The following PTPRD variants were observed in gnomAD, a reference collection of about 807,000 sequenced individuals.
PTPRD encodes the protein protein tyrosine phosphatase receptor type D, also known as receptor-type tyrosine-protein phosphatase delta.
A neutral mutation model predicts 214.5 loss-of-function variants in PTPRD; 34 were observed. That is an observed-to-expected ratio of 0.16 (90% confidence interval 0.12 to 0.21). PTPRD has a LOEUF of 0.21. Among genes scored for constraint, PTPRD ranks in the 10% least tolerant of loss-of-function variants. The pLI is 1.00. For synonymous variants in PTPRD, 1,128 were observed against 845.7 expected (o/e 1.33, Z -5.79); for missense variants, 2,545 against 2,398.7 (o/e 1.06, Z -1.27).
chr9:8,931,447 TC>T (rs1289713086), intron 11 of PTPRD, among the ~76,000 whole-genome samples: 14 of 152,182 alleles, frequency 9.2e-5, no homozygotes, highest in African/African-American at 3.1e-4. Flanking sequence ...TAATGCGGGC[TC>T]TTTTTTGGTT....
chr9:9,488,754 T>C (rs2095770441), intron 8 of PTPRD, among the ~76,000 whole-genome samples: 1 of 152,132 alleles, frequency 6.6e-6, no homozygotes. Flanking sequence ...AGACTGGGAA[T>C]TGCAGTTAAT....
At chr9:8,565,910 T>C (rs2088851692) in intron 14 of PTPRD, among the ~76,000 whole-genome samples, 1 of 152,146 alleles carries the variant, frequency 6.6e-6, no homozygotes, top group African/African-American at 2.4e-5. Context: ...GCTGTTTGTA[T>C]ATAGAGAGAA....
At chr9:10,205,527 T>G (rs2099468336) in intron 3 of PTPRD, among the ~76,000 whole-genome samples, 1 of 152,058 alleles carries the variant, frequency 6.6e-6, no homozygotes, top group African/African-American at 2.4e-5. Context: ...TGCCACAGCC[T>G]CTGAAGTAGC....
intron 3 of PTPRD, among the ~76,000 whole-genome samples, chr9:10,148,021 C>G (rs1021612273): frequency 7.2e-5 from 11 of 152,102 alleles, no homozygotes; most frequent in African/African-American, 2.7e-4. Flanking sequence ...TTGGAGATAT[C>G]CAAAAGTCAA....
At chr9:9,967,831 A>T (rs1030872906) in intron 4 of PTPRD, among the ~76,000 whole-genome samples, 2 of 152,310 alleles carry the variant, frequency 1.3e-5, no homozygotes, top group Non-Finnish European at 2.9e-5. Flanking sequence ...AAATCCTTTT[A>T]AGCATACCAT....
intron 14 of PTPRD, among the ~76,000 whole-genome samples, chr9:8,555,869 G>A (rs535516819): frequency 3.3e-5 from 5 of 152,298 alleles, no homozygotes; most frequent in Admixed American, 6.5e-5. Flanking sequence ...ACTGGACCAC[G>A]GGTCAAGGTC....
intron 9 of PTPRD, among the ~76,000 whole-genome samples, chr9:9,287,390 A>G (rs146131403): frequency 9.2e-5 from 14 of 152,024 alleles, no homozygotes; most frequent in African/African-American, 3.4e-4. Flanking sequence ...TCAGTACTAT[A>G]AAATTTTAGT....
At chr9:8,789,723 C>T (rs1055986129) in intron 11 of PTPRD, among the ~76,000 whole-genome samples, 1 of 151,880 alleles carries the variant, frequency 6.6e-6, no homozygotes, top group African/African-American at 2.4e-5. Context: ...TTAAAAAAAA[C>T]CAGAATAGCA....
At chr9:8,735,666 T>C (rs191077561) in intron 11 of PTPRD, among the ~76,000 whole-genome samples, 2 of 152,074 alleles carry the variant, frequency 1.3e-5, no homozygotes, top group Non-Finnish European at 2.9e-5. Flanking sequence ...TTCCACCACT[T>C]TCGGAAGCCG....
At chr9:9,859,740 G>A (rs2062306337) in intron 5 of PTPRD, among the ~76,000 whole-genome samples, 1 of 152,074 alleles carries the variant, frequency 6.6e-6, no homozygotes, top group South Asian at 2.1e-4. Context: ...AAATTTCTGA[G>A]TCTTCAAGTT....
At chr9:8,554,743 T>G (rs1480473921) in intron 14 of PTPRD, among the ~76,000 whole-genome samples, 5 of 152,240 alleles carry the variant, frequency 3.3e-5, no homozygotes, top group Non-Finnish European at 7.3e-5. Flanking sequence ...TTGTTTATTT[T>G]GACCTGTTGG....
chr9:9,733,709 G>A (rs879358911), intron 7 of PTPRD, among the ~76,000 whole-genome samples: 3 of 152,230 alleles, frequency 2.0e-5, no homozygotes, highest in Non-Finnish European at 4.4e-5. Context: ...TCAGTATTAT[G>A]GAAAGGGTCA....
intron 32 of PTPRD, among the ~76,000 whole-genome samples, chr9:8,462,052 T>C (rs1023737454): frequency 2.6e-5 from 4 of 152,010 alleles, no homozygotes; most frequent in Non-Finnish European, 5.9e-5. Flanking sequence ...ATGCAGAATC[T>C]GTCTCTTCAT....
At chr9:9,449,039 T>C (rs530480486) in intron 8 of PTPRD, among the ~76,000 whole-genome samples, 7 of 152,186 alleles carry the variant, frequency 4.6e-5, no homozygotes, top group Admixed American at 3.9e-4. Flanking sequence ...ATGTTATTAA[T>C]GAAATGGAAA....
chr9:9,781,550 G>A (rs1023602281), intron 5 of PTPRD, among the ~76,000 whole-genome samples: 2 of 152,090 alleles, frequency 1.3e-5, no homozygotes, highest in African/African-American at 2.4e-5. Context: ...GTGGCTATTT[G>A]AAGACATGTG....
intron 11 of PTPRD, 81 bp downstream of exon 11, chr9:9,018,616 G>A (rs2099546219): frequency 6.6e-6 from 1 of 152,094 alleles, no homozygotes; most frequent in Non-Finnish European, 1.5e-5. Flanking sequence ...ACAACCCACA[G>A]TAGTAAAGAA....
chr9:9,646,619 T>G (rs1023167949), intron 7 of PTPRD, among the ~76,000 whole-genome samples: 2 of 152,114 alleles, frequency 1.3e-5, no homozygotes, highest in Non-Finnish European at 2.9e-5. Context: ...TGAATATGCC[T>G]TCTTCCTCCT....
chr9:10,108,427 C>G (rs1048959640), intron 3 of PTPRD, among the ~76,000 whole-genome samples: 3 of 151,940 alleles, frequency 2.0e-5, no homozygotes, highest in Non-Finnish European at 4.4e-5. Flanking sequence ...TTCCTTCTGT[C>G]TAACTGAAAT....
chr9:10,548,641 T>C (rs2060660084), intron 2 of PTPRD, among the ~76,000 whole-genome samples: 2 of 152,116 alleles, frequency 1.3e-5, no homozygotes, highest in South Asian at 4.1e-4. Context: ...TTGTGCAAAT[T>C]CTAAAGACAA....
Sources: gnomAD v4.1 joint callset for allele counts (sites outside exome capture counted in the v4.1 genomes callset) on GRCh38, gnomAD v4.1.1 for gene constraint, MANE v1.5 for transcripts, NCBI Gene and HGNC (gene_info 2026-07-23, HGNC 2026-07-21) for gene names.